DGUOK: variants seen among roughly 807,000 people sequenced by gnomAD.
DGUOK encodes deoxyguanosine kinase, mitochondrial.
Under a neutral mutation model 36.6 loss-of-function variants are expected in DGUOK, and 30 were observed. That is an observed-to-expected ratio of 0.82 (90% CI 0.61 to 1.11). The LOEUF (loss-of-function observed/expected upper bound fraction) is 1.11, where lower values mean the gene tolerates loss of function less well. DGUOK is among the 50% of genes most tolerant of loss of function. DGUOK has a pLI of 0.00. For synonymous variants in DGUOK, 145 were observed against 126.3 expected (o/e 1.15, Z -0.99); for missense variants, 361 against 336.4 (o/e 1.07, Z -0.57).
chr2:73,957,563 A>C (rs886852445), intron 5 of DGUOK, among the ~76,000 whole-genome samples: 1 of 152,030 alleles, frequency 6.6e-6, no homozygotes, highest in Admixed American at 6.6e-5. Flanking sequence ...AATACCAGCT[A>C]CTCGGGAGGC....
At chr2:73,950,804 G>A in intron 4 of DGUOK, 72 bp downstream of exon 4, 1 of 1,594,286 alleles carries the variant, frequency 6.3e-7, no homozygotes, top group Non-Finnish European at 8.6e-7. Flanking sequence ...CCAAGCCCCT[G>A]ATTTTCTGGT....
chr2:73,949,182 C>T (rs1032870110), intron 3 of DGUOK, among the ~76,000 whole-genome samples: 3 of 152,144 alleles, frequency 2.0e-5, no homozygotes, highest in Non-Finnish European at 4.4e-5. Flanking sequence ...AAACTCCTGG[C>T]CTCAGGTGAT....
chr2:73,944,268 C>T (rs916142242), intron 2 of DGUOK, among the ~76,000 whole-genome samples: 1 of 152,170 alleles, frequency 6.6e-6, no homozygotes, highest in Non-Finnish European at 1.5e-5. Context: ...AATCCTCCTG[C>T]CTTGGCCTCC....
At chr2:73,954,338 G>A (rs1380341850) in intron 4 of DGUOK, among the ~76,000 whole-genome samples, 2 of 151,904 alleles carry the variant, frequency 1.3e-5, no homozygotes, top group Non-Finnish European at 2.9e-5. Context: ...GCAAGACCCT[G>A]TCTCAAATAA....
At position 73,946,914 on chromosome 2, in the gene DGUOK, G is replaced by A. The variant is rs1264381066; in HGVS notation, c.443+8G>A. 6.2e-7 allele frequency: 1 copy of A among 1,606,912 alleles called. No individual in the cohort carries two copies. Among genetic ancestry groups the A allele is most frequent in the Non-Finnish European group, 8.5e-7 (1 of 1,176,960 alleles). ...GTCTGTGTACAGTGACAGGTAAAAT[G>A]CCAAGCCCTCCACCAGTCACAAGCC... On this transcript the variant is annotated splice_region_variant and intron_variant, in intron 3 of 6. Transcript: ENST00000264093.
chr2:73,955,830 C>T (rs1369120551), intron 4 of DGUOK, among the ~76,000 whole-genome samples: 3 of 151,952 alleles, frequency 2.0e-5, no homozygotes, highest in Non-Finnish European at 4.4e-5. Context: ...GCTGAGATCG[C>T]GCCACTGCAC....
At chr2:73,937,250 A>C (rs1408798605) in intron 1 of DGUOK, among the ~76,000 whole-genome samples, 1 of 152,224 alleles carries the variant, frequency 6.6e-6, no homozygotes, top group Non-Finnish European at 1.5e-5. Context: ...CATGGCCACA[A>C]GGCCCTATGT....
intron 1 of DGUOK, chr2:73,932,490 T>C: frequency 3.3e-6 from 2 of 598,878 alleles, no homozygotes; most frequent in South Asian, 3.4e-5. Context: ...GACCAGATTC[T>C]TGAATCCTGT....
At chr2:73,931,070 A>G (rs1680997072) in intron 1 of DGUOK, among the ~76,000 whole-genome samples, 1 of 152,140 alleles carries the variant, frequency 6.6e-6, no homozygotes, top group Admixed American at 6.5e-5. Flanking sequence ...TGCTGGGATT[A>G]TAGGCGTTAG....
chr2:73,932,956 G>T (rs763136659), intron 1 of DGUOK, among the ~76,000 whole-genome samples: 2 of 152,086 alleles, frequency 1.3e-5, no homozygotes, highest in African/African-American at 4.8e-5. Context: ...ATTATCTTAC[G>T]ATTACAAGCG....
intron 4 of DGUOK, among the ~76,000 whole-genome samples, chr2:73,954,814 TAAG>T (rs890198824): frequency 9.9e-5 from 15 of 152,166 alleles, no homozygotes; most frequent in African/African-American, 3.4e-4. Context: ...TGGGACAGGT[TAAG>T]AAGACCAGTA....
At chr2:73,943,584 T>TATATGG (rs901418504) in intron 2 of DGUOK, among the ~76,000 whole-genome samples, 1 of 152,114 alleles carries the variant, frequency 6.6e-6, no homozygotes, top group Admixed American at 6.5e-5. Flanking sequence ...TCTTTAAGAT[T>TATATGG]ATATGGATTC....
chr2:73,944,332 C>A (rs1362437402), intron 2 of DGUOK, among the ~76,000 whole-genome samples: 1 of 152,198 alleles, frequency 6.6e-6, no homozygotes, highest in Non-Finnish European at 1.5e-5. Context: ...TAAACTGATA[C>A]TCTGTAAGGA....
chr2:73,955,286 A>G lies in DGUOK; in HGVS notation c.592-1839A>G, dbSNP rs919553379. 3.7e-4 allele frequency among the ~76,000 whole-genome samples: 56 copies of G among 152,234 alleles called. 1 individual carries two copies. Among genetic ancestry groups the G allele is most frequent in the South Asian group, 2.1e-4 (1 of 4,830 alleles). On this transcript the variant is annotated intron_variant, in intron 4 of 6. Coordinates refer to ENST00000264093, the MANE Select transcript of DGUOK (RefSeq NM_080916.3). ...AAAAAAATTTATTTTCACGAAACAG[A>G]CAACATTTTTTTTCTCAGAAAGGAA...
chr2:73,954,574 T>G (rs151076769), intron 4 of DGUOK, among the ~76,000 whole-genome samples: 17 of 152,144 alleles, frequency 1.1e-4, no homozygotes, highest in African/African-American at 3.6e-4. Flanking sequence ...TAGGCCTCAG[T>G]GTTCCTAGCC....
At position 73,939,112 on chromosome 2, in the gene DGUOK, C is replaced by T. The variant is rs1348264022; in HGVS notation, c.255+90C>T. On this transcript the variant is annotated intron_variant, in intron 2 of 6. Transcript: ENST00000264093. ...ATTTACTCTCAGTGAGTAAAGTAGC[C>T]CAGTTTGAGTATCCTTTTTAAAATA... 3 of 840,520 alleles carry T rather than the reference C, an allele frequency of 3.6e-6. No homozygotes were observed. The African/African-American group carries it at 5.0e-5, about 14-fold the overall frequency. The allele number at this position is 840,520 out of a possible 1,614,324, so 52.1% of individuals were successfully genotyped here. A position where few individuals can be genotyped will look rare whatever the true frequency, so the allele number is the denominator to read the frequency against.
rs962347860 is a variant in DGUOK at position 73,953,647 on chromosome 2, T to C, written c.591+2915T>C. On this transcript the variant is annotated intron_variant, in intron 4 of 6. Transcript: ENST00000264093. The stretch of plus-strand genomic sequence containing the variant: ...TCTTCCAGTTCAGAGCCCTCGTAAA[T>C]ACTGAGTTTCGAGCATGTCAGATGG... 4.0e-5 allele frequency among the ~76,000 whole-genome samples: 6 copies of C among 151,640 alleles called. No individual in the cohort carries two copies. In the East Asian group the frequency reaches 7.8e-4, roughly 20 times the overall value.
chr2:73,940,787 A>G (rs769263877), intron 2 of DGUOK, among the ~76,000 whole-genome samples: 2 of 152,248 alleles, frequency 1.3e-5, no homozygotes, highest in Non-Finnish European at 2.9e-5. Flanking sequence ...ACAGCTTTGT[A>G]GCCTAGGAGC....
At chr2:73,933,319 G>T (rs572550800) in intron 1 of DGUOK, among the ~76,000 whole-genome samples, 7 of 152,340 alleles carry the variant, frequency 4.6e-5, no homozygotes, top group African/African-American at 1.7e-4. Flanking sequence ...AGGATGCAAA[G>T]GTTCAGTCTC....
Sources: gnomAD v4.1 joint callset for allele counts (sites outside exome capture counted in the v4.1 genomes callset) on GRCh38, gnomAD v4.1.1 for gene constraint, MANE v1.5 for transcripts, NCBI Gene and HGNC (gene_info 2026-07-23, HGNC 2026-07-21) for gene names.